Variants in SH3GL2 observed in about 807,000 individuals in gnomAD.
SH3GL2 encodes the protein endophilin-A1.
In SH3GL2, 24 loss-of-function variants were observed where a neutral mutation model predicts 46.0. The observed-to-expected ratio is 0.52, with a 90% CI of 0.38 to 0.73. The LOEUF (loss-of-function observed/expected upper bound fraction) is 0.73, where lower values mean the gene tolerates loss of function less well. Among genes scored for constraint, SH3GL2 ranks in the 30% least tolerant of loss-of-function variants. The pLI, the probability that SH3GL2 is intolerant of heterozygous loss-of-function variation, is 0.00. For missense variants in SH3GL2, 413 were observed against 424.2 expected, an observed-to-expected ratio of 0.97 and a Z score of 0.23; for synonymous variants, 196 against 147.1, an observed-to-expected ratio of 1.33 and a Z score of -2.40.
At chr9:17,722,189 C>T (rs2118350506) in intron 1 of SH3GL2, among the ~76,000 whole-genome samples, 1 of 152,076 alleles carries the variant, frequency 6.6e-6, no homozygotes, top group East Asian at 1.9e-4. Context: ...TTTTGGGCTT[C>T]CTGTCTTTAA....
chr9:17,611,565 ACT>A (rs1196514009), intron 1 of SH3GL2, among the ~76,000 whole-genome samples: 7 of 151,950 alleles, frequency 4.6e-5, no homozygotes, highest in African/African-American at 2.4e-5. Context: ...TGTATCTGAG[ACT>A]CTGTGACTGG....
chr9:17,709,909 G>C (rs1821573580), intron 1 of SH3GL2, among the ~76,000 whole-genome samples: 1 of 151,908 alleles, frequency 6.6e-6, no homozygotes, highest in African/African-American at 2.4e-5. Flanking sequence ...TGGAAGCCTA[G>C]TGAGGGAGAT....
At chr9:17,678,290 G>A (rs1327564392) in intron 1 of SH3GL2, among the ~76,000 whole-genome samples, 1 of 152,066 alleles carries the variant, frequency 6.6e-6, no homozygotes. Context: ...ATCCTCTCCA[G>A]CACCTGTTGT....
At chr9:17,614,976 C>T (rs1268841463) in intron 1 of SH3GL2, among the ~76,000 whole-genome samples, 2 of 152,150 alleles carry the variant, frequency 1.3e-5, no homozygotes, top group Non-Finnish European at 2.9e-5. Context: ...CTCCAGCAAC[C>T]ACAGAGGTGC....
chr9:17,731,848 G>GCTTT (rs1822193846), intron 1 of SH3GL2, among the ~76,000 whole-genome samples: 1 of 152,104 alleles, frequency 6.6e-6, no homozygotes, highest in Non-Finnish European at 1.5e-5. Context: ...GAGGAGCTAT[G>GCTTT]CTTTCCCTAT....
intron 1 of SH3GL2, among the ~76,000 whole-genome samples, chr9:17,705,416 A>C (rs768934422): frequency 2.0e-5 from 3 of 152,050 alleles, no homozygotes; most frequent in Non-Finnish European, 4.4e-5. Flanking sequence ...AATATAAATC[A>C]TTCTACCATA....
chr9:17,678,458 C>T (rs1820674540), intron 1 of SH3GL2, among the ~76,000 whole-genome samples: 1 of 152,106 alleles, frequency 6.6e-6, no homozygotes, highest in Non-Finnish European at 1.5e-5. Context: ...TGTTCATATC[C>T]TTCGCCCACT....
intron 1 of SH3GL2, among the ~76,000 whole-genome samples, chr9:17,742,292 A>C (rs1712973555): frequency 6.6e-6 from 1 of 152,150 alleles, no homozygotes; most frequent in South Asian, 2.1e-4. Context: ...GGTGACAGCT[A>C]ACTGGGGGAG....
intron 1 of SH3GL2, among the ~76,000 whole-genome samples, chr9:17,711,417 G>A (rs914358338): frequency 6.6e-6 from 1 of 151,846 alleles, no homozygotes; most frequent in African/African-American, 2.4e-5. Context: ...TCCAGAAAGC[G>A]AACAGAATCC....
intron 1 of SH3GL2, among the ~76,000 whole-genome samples, chr9:17,727,578 T>C (rs2209439): frequency 0.49 from 74,467 of 152,018 alleles, 18,795 homozygotes; most frequent in East Asian, 0.66. Flanking sequence ...GGAGTTATTC[T>C]TGTGCCTTGG....
chr9:17,682,784 T>G (rs1300211996), intron 1 of SH3GL2, among the ~76,000 whole-genome samples: 1 of 152,148 alleles, frequency 6.6e-6, no homozygotes, highest in Non-Finnish European at 1.5e-5. Flanking sequence ...AGGTAGCATT[T>G]TAACTAGCAT....
chr9:17,737,742 GCTCAGGGTTCCTTCCTTGA>G (rs1402866615), intron 1 of SH3GL2, among the ~76,000 whole-genome samples: 1 of 152,068 alleles, frequency 6.6e-6, no homozygotes, highest in African/African-American at 2.4e-5. Context: ...TGTTGGTGAT[GCTCAGGGTTCCTTCCTTGA>G]CTCAGCTGTA....
In SH3GL2 at chr9:17,632,788, C is replaced by T. The variant is rs566321730; in HGVS notation, c.45+53501C>T. ...CTTAACACATCCCGAAGATTTTGTG[C>T]TCTCAATGTGTCCCTGCTATTTGGG... is the stretch of plus-strand genomic sequence containing the variant. On this transcript the variant is annotated intron_variant, in intron 1 of 8. Transcript: ENST00000380607. Among the ~76,000 whole-genome samples the T allele has an allele frequency of 9.2e-5, 14 of 152,288 alleles. No homozygotes were observed. The East Asian group carries it at 2.7e-3, about 29-fold the overall frequency.
intron 1 of SH3GL2, chr9:17,630,455 C>A (rs571981317): frequency 6.6e-6 from 1 of 152,188 alleles, no homozygotes; most frequent in Non-Finnish European, 1.5e-5. Flanking sequence ...TTGTGTTACA[C>A]ACAAACACAC....
chr9:17,665,883 C>T (rs1820330351), intron 1 of SH3GL2, among the ~76,000 whole-genome samples: 1 of 148,194 alleles, frequency 6.7e-6, no homozygotes, highest in Non-Finnish European at 1.5e-5. Flanking sequence ...ATCCATCCAT[C>T]CATCTAGTTG....
At chr9:17,719,505 G>A (rs1183447213) in intron 1 of SH3GL2, among the ~76,000 whole-genome samples, 1 of 152,012 alleles carries the variant, frequency 6.6e-6, no homozygotes, top group African/African-American at 2.4e-5. Flanking sequence ...AAAGTTTTTG[G>A]CTGGGCACAA....
intron 1 of SH3GL2, among the ~76,000 whole-genome samples, chr9:17,621,705 T>C (rs987652555): frequency 1.3e-5 from 2 of 152,198 alleles, no homozygotes; most frequent in African/African-American, 4.8e-5. Context: ...CACTAAAAGA[T>C]GCGTGTTCTT....
intron 6 of SH3GL2, 43 bp downstream of exon 6, chr9:17,789,593 G>T (rs1198011675): frequency 7.5e-6 from 12 of 1,607,948 alleles, no homozygotes; most frequent in Non-Finnish European, 9.4e-6. Flanking sequence ...TATCATCGAG[G>T]CACAACATTA....
At chr9:17,599,552 TG>T (rs111587632) in intron 1 of SH3GL2, among the ~76,000 whole-genome samples, 8,623 of 152,232 alleles carry the variant, frequency 0.057, 535 homozygotes, top group African/African-American at 0.16. Flanking sequence ...TGTGCAAAGA[TG>T]TATGTTCAAA....
Sources: allele counts gnomAD v4.1 joint callset (sites outside exome capture counted in the v4.1 genomes callset), GRCh38; gene constraint gnomAD v4.1.1; transcripts MANE v1.5; gene names NCBI Gene and HGNC (gene_info 2026-07-23, HGNC 2026-07-21).